The following PSG2 variants were observed in gnomAD, a reference collection of about 807,000 sequenced individuals.
The protein encoded by PSG2 is pregnancy specific beta-1-glycoprotein 2.
PSG2 carries 49 observed loss-of-function variants against 36.2 expected under a neutral mutation model. The ratio of observed to expected loss-of-function variants is 1.35; its 90% confidence interval spans 1.08 to 1.72. The LOEUF (loss-of-function observed/expected upper bound fraction) is 1.72. PSG2 is among the 40% of genes most tolerant of loss of function. The pLI is 0.00. For missense variants in PSG2, 605 were observed against 407.2 expected, an observed-to-expected ratio of 1.49 and a Z score of -4.18; for synonymous variants, 261 against 155.6, an observed-to-expected ratio of 1.68 and a Z score of -5.04.
At chr19:43,076,393 G>C (rs1318764783) in intron 2 of PSG2, among the ~76,000 whole-genome samples, 1 of 151,730 alleles carries the variant, frequency 6.6e-6, no homozygotes, top group Non-Finnish European at 1.5e-5. Flanking sequence ...CCCTGTAGAG[G>C]GCAGGTGAGG....
chr19:43,078,545 G>C (rs1315245300), intron 2 of PSG2, among the ~76,000 whole-genome samples: 1 of 151,598 alleles, frequency 6.6e-6, no homozygotes, highest in Non-Finnish European at 1.5e-5. Context: ...CCAGTCATGT[G>C]GTCCCTACCT....
intron 5 of PSG2, 47 bp from the exon 6 acceptor site, chr19:43,064,648 G>C: frequency 1.7e-6 from 1 of 574,530 alleles, no homozygotes. Flanking sequence ...TAAGTAGTTT[G>C]AGGAAGAATC....
At position 43,080,084 on chromosome 19, in the gene PSG2, A is replaced by G. The variant is rs964952446; in HGVS notation, c.430+797T>C. Among the ~76,000 whole-genome samples, 8 of 151,914 alleles carry G rather than the reference A, an allele frequency of 5.3e-5. No homozygotes were observed. In the East Asian group the frequency reaches 9.6e-4, roughly 18 times the overall value. On this transcript the variant is annotated intron_variant, in intron 2 of 5. Transcript: ENST00000406487. Reference sequence around the variant, plus strand: ...TTGGCACAGTGGAGGTTTCACACAAACAGCATTTATTATTAATTTGCTTCC... The same window carrying G: ...TTGGCACAGTGGAGGTTTCACACAAGCAGCATTTATTATTAATTTGCTTCC...
intron 5 of PSG2, 139 bp downstream of exon 5, chr19:43,066,378 G>A: frequency 2.9e-6 from 2 of 688,070 alleles, no homozygotes; most frequent in Non-Finnish European, 5.3e-6. Context: ...GGGAACTGCA[G>A]GAATTAGTGC....
chr19:43,065,815 C>T (rs1460901611), intron 5 of PSG2: 1 of 151,894 alleles, frequency 6.6e-6, no homozygotes, highest in African/African-American at 2.4e-5. Context: ...AGTCTTTGTT[C>T]TCCACGAGGT....
chr19:43,070,003 A>T (rs1282729765), intron 4 of PSG2, among the ~76,000 whole-genome samples: 8 of 151,754 alleles, frequency 5.3e-5, no homozygotes, highest in Admixed American at 5.3e-4. Flanking sequence ...ACATCCGAAA[A>T]CCCAATTAAA....
chr19:43,071,214 C>T lies in PSG2; in HGVS notation c.964+486G>A, dbSNP rs564988536. 5.2e-3 allele frequency among the ~76,000 whole-genome samples: 792 copies of T among 151,764 alleles called. 26 individuals carry two copies. The highest frequency in any genetic ancestry group is 0.018 in the African/African-American group (744 of 41,184). On this transcript the variant is annotated intron_variant, in intron 4 of 5. Coordinates refer to ENST00000406487, the MANE Select transcript of PSG2 (RefSeq NM_031246.4). ...AACAGGGCCAGTCACCAGAGGAGCC[C>T]AGAGCAGAGCAGGAAGCAGAGTCTG...
intron 2 of PSG2, among the ~76,000 whole-genome samples, chr19:43,076,204 G>A (rs1967893574): frequency 6.6e-6 from 1 of 151,634 alleles, no homozygotes; most frequent in African/African-American, 2.4e-5. Context: ...ATCAGGCAGT[G>A]GAGCCACAAG....
intron 3 of PSG2, chr19:43,072,482 A>G: frequency 1.2e-6 from 2 of 1,611,286 alleles, no homozygotes; most frequent in Non-Finnish European, 1.7e-6. Flanking sequence ...GGGTCGCTTT[A>G]CCCTGGGACT....
Position 43,066,502 on chromosome 19 carries a change from A to G in PSG2, c.*40+15T>C. On this transcript the variant is annotated intron_variant, in intron 5 of 5. Coordinates refer to ENST00000406487, the MANE Select transcript of PSG2 (RefSeq NM_031246.4). Reference sequence around the variant, plus strand: ...AGCTCTGCAGGAACCAGGATAAGAGAAAAGGCCATCATACCTGCCAGTCTT... The same window carrying G: ...AGCTCTGCAGGAACCAGGATAAGAGGAAAGGCCATCATACCTGCCAGTCTT... 3.3e-6 allele frequency: 5 copies of G among 1,510,184 alleles called. No individual in the cohort carries two copies. Among genetic ancestry groups the G allele is most frequent in the South Asian group, 1.1e-5 (1 of 89,024 alleles). 93.5% of individuals were successfully genotyped at this position (1,510,184 alleles called of 1,614,324 possible).
At chr19:43,069,635 G>A (rs1349296596) in intron 4 of PSG2, among the ~76,000 whole-genome samples, 1 of 151,612 alleles carries the variant, frequency 6.6e-6, no homozygotes, top group Non-Finnish European at 1.5e-5. Context: ...AATGATATTG[G>A]GAAAGCTGGA....
intron 4 of PSG2, among the ~76,000 whole-genome samples, chr19:43,070,534 A>T (rs1298847207): frequency 6.6e-6 from 1 of 151,796 alleles, no homozygotes; most frequent in East Asian, 1.9e-4. Flanking sequence ...ATAAAATTCC[A>T]ATACATCGTG....
In PSG2 at chr19:43,081,645, T is replaced by C. The variant is rs141830020; in HGVS notation, c.65-399A>G. Reference sequence around the variant, plus strand: ...TTCCCTTTCTGACCTTTCCCTGCTCTGCTCCCTAAAGGGTTCTTGTTAACA... The same window carrying C: ...TTCCCTTTCTGACCTTTCCCTGCTCCGCTCCCTAAAGGGTTCTTGTTAACA... On this transcript the variant is annotated intron_variant, in intron 1 of 5. Coordinates refer to ENST00000406487, the MANE Select transcript of PSG2 (RefSeq NM_031246.4). 3.2e-3 allele frequency: 676 copies of C among 213,510 alleles called. 23 individuals carry two copies. The highest frequency in any genetic ancestry group is 0.014 in the African/African-American group (619 of 43,556). 13.2% of individuals were successfully genotyped at this position (213,510 alleles called of 1,614,324 possible).
rs1058086 is a variant in PSG2, at chr19:43,075,527, T to C, written c.536A>G (p.Gln179Arg). The change falls in exon 3 of 6, where the codon CAG becomes CGG. Residue 179 changes from glutamine (Q) to arginine (R), a missense_variant. Transcript: ENST00000406487. ...CDPETPDTSY[Q>R]WWMNGQSLPM... is the part of the protein sequence containing the mutation. Reference sequence around the variant, plus strand: ...GAGGCTCTGACCATTCATCCACCACTGGTAGCTTGTGTCCGGAGTCTCAGG... The same window carrying C: ...GAGGCTCTGACCATTCATCCACCACCGGTAGCTTGTGTCCGGAGTCTCAGG... The C allele has an allele frequency of 3.1e-6, 5 of 1,613,008 alleles. No homozygotes were observed. The highest frequency in any genetic ancestry group is 2.2e-5 in the East Asian group (1 of 44,884).
chr19:43,075,932 A>G (rs1043225707), intron 2 of PSG2, among the ~76,000 whole-genome samples: 2 of 151,510 alleles, frequency 1.3e-5, no homozygotes, highest in African/African-American at 2.4e-5. Context: ...GAGTCCCTCC[A>G]TCTCGAAGTG....
At chr19:43,078,735 C>T (rs1568515910) in intron 2 of PSG2, among the ~76,000 whole-genome samples, 1 of 151,676 alleles carries the variant, frequency 6.6e-6, no homozygotes, top group African/African-American at 2.4e-5. Flanking sequence ...TCCTGTTTGG[C>T]AGACTTGGAG....
intron 4 of PSG2, among the ~76,000 whole-genome samples, chr19:43,069,718 T>C (rs955481690): frequency 1.3e-5 from 2 of 151,580 alleles, no homozygotes; most frequent in African/African-American, 4.9e-5. Context: ...AGATCAAAGA[T>C]CTAAATGTAA....
chr19:43,073,544 G>T (rs1444721910), intron 3 of PSG2, among the ~76,000 whole-genome samples: 1 of 151,740 alleles, frequency 6.6e-6, no homozygotes, highest in Non-Finnish European at 1.5e-5. Flanking sequence ...AATTTGGAGA[G>T]AAGTTTTTCA....
chr19:43,071,870 G>C lies in PSG2; in HGVS notation c.794C>G (p.Ser265Cys), dbSNP rs757817134. The C allele has an allele frequency of 3.7e-5, 60 of 1,613,040 alleles. No individual in the cohort carries two copies. The highest frequency in any genetic ancestry group is 5.1e-5 in the Non-Finnish European group (60 of 1,179,616). ...CCAAGAATACTGTGCCGGTGGGTTA[G>C]AGTTCGCGAAGCAAGACAAGTAGAG... Reference protein sequence around the residue: ...DNLYLSCFANSNPPAQYSWTI... With the variant: ...DNLYLSCFANCNPPAQYSWTI... Residue 265 changes from serine (S) to cysteine (C), a missense_variant, in exon 4 of 6, where the codon TCT becomes TGT. By Grantham distance (112) the Ser-to-Cys change is moderately radical. Transcript: ENST00000406487.
Sources: gnomAD v4.1 joint callset for allele counts (sites outside exome capture counted in the v4.1 genomes callset) on GRCh38, gnomAD v4.1.1 for gene constraint, MANE v1.5 for transcripts, NCBI Gene and HGNC (gene_info 2026-07-23, HGNC 2026-07-21) for gene names.